TRANK1: variants seen among roughly 807,000 people sequenced by gnomAD.
The protein encoded by TRANK1 is tetratricopeptide repeat and ankyrin repeat containing 1.
Under a neutral mutation model 266.0 loss-of-function variants are expected in TRANK1, and 198 were observed. That is an observed-to-expected ratio of 0.74 (90% CI 0.66 to 0.84). The LOEUF (loss-of-function observed/expected upper bound fraction) is 0.84. Ranked by LOEUF, TRANK1 falls within the 40% of genes least tolerant of loss-of-function variation. The pLI is 0.00. For synonymous variants in TRANK1, 1,396 were observed against 1,384.1 expected (o/e 1.01, Z -0.19); for missense variants, 3,326 against 3,634.6 (o/e 0.92, Z 2.18).
At chr3:36,934,166 C>T (rs2080394224) in intron 1 of TRANK1, among the ~76,000 whole-genome samples, 1 of 152,224 alleles carries the variant, frequency 6.6e-6, no homozygotes, top group South Asian at 2.1e-4. Context: ...AGGACAAGGC[C>T]CTTTCCTGGG....
At chr3:36,921,632 G>A (rs751685940) in intron 1 of TRANK1, among the ~76,000 whole-genome samples, 19 of 152,096 alleles carry the variant, frequency 1.2e-4, no homozygotes, top group South Asian at 2.1e-4. Context: ...CTGGTACCAC[G>A]TATCTCTTTC....
intron 5 of TRANK1, among the ~76,000 whole-genome samples, chr3:36,893,377 C>CTGATT (rs2079738801): frequency 6.6e-6 from 1 of 152,116 alleles, no homozygotes; most frequent in South Asian, 2.1e-4. Flanking sequence ...TCAATTATTC[C>CTGATT]TCACATCAGC....
intron 8 of TRANK1, among the ~76,000 whole-genome samples, chr3:36,877,832 A>G (rs2079411766): frequency 6.6e-6 from 1 of 152,358 alleles, no homozygotes; most frequent in Middle Eastern, 3.4e-3. Context: ...AAAGGAATAC[A>G]AAACTATTTA....
chr3:36,861,095 A>G lies in TRANK1; in HGVS notation c.1306T>C (p.Leu436=), dbSNP rs939684950. The change falls in exon 11 of 24, where the codon TTG becomes CTG. Residue 436 remains leucine (L), a synonymous_variant. Transcript: ENST00000645898. ...DCATTVFKFL[L]EKQRWPEVLL... Reference sequence around the variant, plus strand: ...ACCTCAGGCCATCTCTGTTTTTCCAATAAGAATTTGAAGACGGTGGTGGCA... The same window carrying G: ...ACCTCAGGCCATCTCTGTTTTTCCAGTAAGAATTTGAAGACGGTGGTGGCA... The G allele has an allele frequency of 5.9e-6, 9 of 1,537,470 alleles. No homozygotes were observed. The East Asian group carries it at 7.3e-5, about 13-fold the overall frequency.
At chr3:36,916,438 C>G (rs549425120) in intron 1 of TRANK1, among the ~76,000 whole-genome samples, 1 of 152,322 alleles carries the variant, frequency 6.6e-6, no homozygotes, top group Admixed American at 6.5e-5. Context: ...TGGCACATCC[C>G]TGTAATCCCA....
chr3:36,910,156 G>C (rs957094318), intron 1 of TRANK1, among the ~76,000 whole-genome samples: 11 of 152,168 alleles, frequency 7.2e-5, no homozygotes, highest in Admixed American at 7.2e-4. Flanking sequence ...GAAACACCAA[G>C]TAATTGCTAC....
rs190305178 is a variant in TRANK1, at chr3:36,896,686, G to C, written c.434-928C>G. Among the ~76,000 whole-genome samples, 121 of 152,284 alleles carry C rather than the reference G, an allele frequency of 7.9e-4. 1 individual carries two copies. The highest frequency in any genetic ancestry group is 2.9e-3 in the African/African-American group (119 of 41,568). The stretch of plus-strand genomic sequence containing the variant: ...CATAACTCCGGCCTGGCTTCTGACA[G>C]AACAGTGACATTTAAAAGATGCAGA... On this transcript the variant is annotated intron_variant, in intron 4 of 23. Transcript: ENST00000645898.
intron 11 of TRANK1, among the ~76,000 whole-genome samples, chr3:36,860,512 A>C (rs1313108236): frequency 6.6e-6 from 1 of 152,056 alleles, no homozygotes; most frequent in Non-Finnish European, 1.5e-5. Flanking sequence ...ATCAGAAAAG[A>C]ATGTCACAGG....
In TRANK1 at chr3:36,856,685, A is replaced by G; in HGVS notation, c.3037T>C (p.Tyr1013His). The change falls in exon 13 of 24, where the codon TAC becomes CAC. Residue 1013 changes from tyrosine (Y) to histidine (H), a missense_variant. Transcript: ENST00000645898. ...TCCACTGCACTGGCTGGGGGAAAGTACTCAGGATTGACATGCTCCCTGCCC... is the reference window on the plus strand; with the variant it reads ...TCCACTGCACTGGCTGGGGGAAAGTGCTCAGGATTGACATGCTCCCTGCCC... Reference protein sequence around the residue: ...EKGREHVNPEYFPPASAVETE... With the variant: ...EKGREHVNPEHFPPASAVETE... The G allele has an allele frequency of 6.2e-7, 1 of 1,613,990 alleles. No homozygotes were observed. Among genetic ancestry groups the G allele is most frequent in the Non-Finnish European group, 8.5e-7 (1 of 1,179,882 alleles).
rs1315449823 is a variant in TRANK1 at position 36,865,029 on chromosome 3, T to G, written c.1079-549A>C. On this transcript the variant is annotated intron_variant, in intron 9 of 23. Coordinates refer to ENST00000645898, the MANE Select transcript of TRANK1 (RefSeq NM_001329998.2). ...GGGGTTTTTTTGTTTTTTTGGTTTT[T>G]TTTTTTTTTTTTTTTTGAGACGGAG... Among the ~76,000 whole-genome samples, 5 of 144,306 alleles carry G rather than the reference T, an allele frequency of 3.5e-5. No individual in the cohort carries two copies. The South Asian group carries it at 9.2e-4, about 27-fold the overall frequency. 94.7% of individuals were successfully genotyped at this position (144,306 alleles called of 152,430 possible).
In TRANK1 at chr3:36,833,381, C is replaced by T. The variant is rs776681695; in HGVS notation, c.6202G>A (p.Glu2068Lys). 61 of 1,613,764 alleles carry T rather than the reference C, an allele frequency of 3.8e-5. No individual in the cohort carries two copies. The South Asian group carries it at 4.6e-4, about 12-fold the overall frequency. The change falls in exon 22 of 24, where the codon GAA (glutamate) becomes AAA (lysine). Residue 2068 changes from glutamate to lysine, a missense_variant. Transcript: ENST00000645898. ...TCGGCCTCACACTGGCTGGCTGCTTCGTAGAGTGCTTCCACCACTCCAGCT... is the reference window on the plus strand; with the variant it reads ...TCGGCCTCACACTGGCTGGCTGCTTTGTAGAGTGCTTCCACCACTCCAGCT... ...HSAGVVEALY[E>K]AASQCEAEPE...
chr3:36,907,444 C>T (rs894206002), intron 2 of TRANK1, among the ~76,000 whole-genome samples: 2 of 151,256 alleles, frequency 1.3e-5, no homozygotes, highest in Non-Finnish European at 1.5e-5. Context: ...GCCACTCTAC[C>T]CAGCAAATTT....
intron 9 of TRANK1, among the ~76,000 whole-genome samples, chr3:36,873,694 C>T (rs914249210): frequency 6.6e-6 from 1 of 151,888 alleles, no homozygotes; most frequent in Non-Finnish European, 1.5e-5. Flanking sequence ...TCATCTTTTA[C>T]GTGGTCTTGT....
intron 1 of TRANK1, 165 bp from the exon 2 acceptor site, chr3:36,908,619 A>T: frequency 8.1e-7 from 1 of 1,229,058 alleles, no homozygotes; most frequent in Non-Finnish European, 1.0e-6. Context: ...AACCAGGCAG[A>T]GTGTCTGACA....
chr3:36,926,343 C>T (rs560480292), intron 1 of TRANK1, among the ~76,000 whole-genome samples: 4 of 152,296 alleles, frequency 2.6e-5, no homozygotes, highest in South Asian at 2.1e-4. Context: ...GATGTGCCCT[C>T]GCAAACAAGC....
intron 1 of TRANK1, among the ~76,000 whole-genome samples, chr3:36,909,573 G>A (rs1336388225): frequency 1.3e-5 from 2 of 152,220 alleles, no homozygotes; most frequent in Non-Finnish European, 2.9e-5. Context: ...GGTGTTCACA[G>A]ATGACATGTA....
At chr3:36,838,223 G>T in intron 20 of TRANK1, 149 bp downstream of exon 20, 3 of 1,231,244 alleles carry the variant, frequency 2.4e-6, no homozygotes, top group Non-Finnish European at 3.4e-6. Context: ...AGTAGTGAAA[G>T]TAGGCTTCCC....
chr3:36,831,915 CG>C lies in TRANK1; in HGVS notation c.7667del (p.Ser2556TrpfsTer13). On this transcript the variant is annotated frameshift_variant, in exon 22 of 24. Transcript: ENST00000645898. LOFTEE classifies it high-confidence loss of function. The surrounding 1 kb of genome is among the most constrained non-coding windows in gnomAD (Gnocchi z 5.0). ...DAFSEIDYVVSGEAERTLVLC... is the reference protein window; with the variant it reads ...DAFSEIDYVVXGEAERTLVLC... ...GCACCAGTGTCCGCTCAGCCTCACC[CG>C]AGACCACATAGTCTATTTCACTGAA... is the stretch of plus-strand genomic sequence containing the variant. 2 of 1,614,028 alleles carry C rather than the reference CG, an allele frequency of 1.2e-6. No homozygotes were observed. Among genetic ancestry groups the C allele is most frequent in the Non-Finnish European group, 1.7e-6 (2 of 1,179,896 alleles).
At chr3:36,839,190 A>G (rs1473709421) in intron 18 of TRANK1, among the ~76,000 whole-genome samples, 2 of 152,160 alleles carry the variant, frequency 1.3e-5, no homozygotes, top group African/African-American at 4.8e-5. Context: ...AGAAATGGGG[A>G]TAAAGATGGT....
Sources: allele counts gnomAD v4.1 joint callset (sites outside exome capture counted in the v4.1 genomes callset), GRCh38; gene constraint gnomAD v4.1.1; non-coding constraint Gnocchi (gnomAD v3.1); transcripts MANE v1.5; gene names NCBI Gene and HGNC (gene_info 2026-07-23, HGNC 2026-07-21).